The following TOR3A variants were observed in gnomAD, a reference collection of about 807,000 sequenced individuals.
TOR3A encodes the protein torsin family 3 member A, also known as torsin-3A.
Under a neutral mutation model 42.1 loss-of-function variants are expected in TOR3A, and 44 were observed. That is an observed-to-expected ratio of 1.04 (90% CI 0.82 to 1.34). The LOEUF is 1.34. Among genes scored for constraint, TOR3A ranks in the 40% most tolerant of loss-of-function variants. The pLI, the probability that TOR3A is intolerant of heterozygous loss-of-function variation, is 0.00. For synonymous variants in TOR3A, 227 were observed against 213.2 expected (o/e 1.06, Z -0.57); for missense variants, 521 against 507.6 (o/e 1.03, Z -0.25).
chr1:179,084,129 G>T (rs1391601198), intron 2 of TOR3A, among the ~76,000 whole-genome samples: 1 of 152,082 alleles, frequency 6.6e-6, no homozygotes, highest in Middle Eastern at 3.2e-3. Flanking sequence ...TATCCAAATT[G>T]TTCTGGCCAG....
intron 3 of TOR3A, among the ~76,000 whole-genome samples, chr1:179,086,665 CAAAAAAAA>C (rs149541470): frequency 4.0e-5 from 5 of 123,792 alleles, no homozygotes; most frequent in African/African-American, 1.5e-4. Flanking sequence ...GACTCCATCT[CAAAAAAAA>C]AAAAAAAAAA....
At position 179,095,412 on chromosome 1, in the gene TOR3A, T is replaced by TAC; in HGVS notation, c.*194_*195insAC. 17 of 1,427,016 alleles carry TAC rather than the reference T, an allele frequency of 1.2e-5. No individual in the cohort carries two copies. The highest frequency in any genetic ancestry group is 3.2e-5 in the South Asian group (2 of 62,700). The allele number at this position is 1,427,016 out of a possible 1,614,324, so 88.4% of individuals were successfully genotyped here. On this transcript the variant is annotated 3_prime_UTR_variant, in exon 6 of 6. Transcript: ENST00000367627. ...CCAAGCCAATCCTTTTTCTTTTTTTTGGAGGTCCCACCGAGATAGATAGGA... is the reference window on the plus strand; with the variant it reads ...CCAAGCCAATCCTTTTTCTTTTTTTTACGGAGGTCCCACCGAGATAGATAGGA...
chr1:179,089,683 C>G (rs1652525289), intron 4 of TOR3A, among the ~76,000 whole-genome samples: 1 of 152,200 alleles, frequency 6.6e-6, no homozygotes, highest in African/African-American at 2.4e-5. Flanking sequence ...CCTGGGTGCT[C>G]TGTGGTTTCT....
Position 179,082,286 on chromosome 1 carries a change from G to A in TOR3A, c.158G>A (p.Arg53Lys). Residue 53 changes from arginine (R) to lysine (K), a missense_variant, in exon 1 of 6, where the codon AGG becomes AAG. Coordinates refer to ENST00000367627, the MANE Select transcript of TOR3A (RefSeq NM_022371.4). ...TTCCAGCGCCTGCAGGAGCAGCTCAGGGCGGCGGGTGCCCTCTCCAAGCGG... is the reference window on the plus strand; with the variant it reads ...TTCCAGCGCCTGCAGGAGCAGCTCAAGGCGGCGGGTGCCCTCTCCAAGCGG... ...PGFQRLQEQL[R>K]AAGALSKRYW... The A allele has an allele frequency of 7.0e-6, 11 of 1,581,602 alleles. No individual in the cohort carries two copies. Among genetic ancestry groups the A allele is most frequent in the Non-Finnish European group, 9.4e-6 (11 of 1,169,130 alleles).
intron 3 of TOR3A, 30 bp downstream of exon 3, chr1:179,085,923 T>C (rs1207762137): frequency 6.2e-7 from 1 of 1,604,756 alleles, no homozygotes; most frequent in Non-Finnish European, 8.5e-7. Context: ...GGGTGAGGCC[T>C]CTGTGCTGGG....
At chr1:179,093,177 C>A (rs1024882771) in intron 4 of TOR3A, among the ~76,000 whole-genome samples, 2 of 152,122 alleles carry the variant, frequency 1.3e-5, no homozygotes, top group African/African-American at 4.8e-5. Flanking sequence ...GGCCAAGTCT[C>A]CACTACCTCT....
At chr1:179,086,539 A>G (rs901532133) in intron 3 of TOR3A, among the ~76,000 whole-genome samples, 29 of 151,866 alleles carry the variant, frequency 1.9e-4, no homozygotes, top group Non-Finnish European at 3.8e-4. Context: ...GGTGGCGGGC[A>G]CCTGTAGTCT....
chr1:179,083,155 C>A, intron 2 of TOR3A, 102 bp downstream of exon 2: 2 of 642,100 alleles, frequency 3.1e-6, no homozygotes, highest in Non-Finnish European at 2.5e-6. Context: ...TCCTGCCCAG[C>A]CTCCCGACAA....
chr1:179,094,659 AC>A (rs1045949618), intron 5 of TOR3A, among the ~76,000 whole-genome samples: 5 of 152,106 alleles, frequency 3.3e-5, no homozygotes, highest in African/African-American at 1.2e-4. Context: ...CGGGCGGATC[AC>A]TTGAGTCCAG....
chr1:179,082,887 A>G, intron 1 of TOR3A, 53 bp from the exon 2 acceptor site: 1 of 1,227,426 alleles, frequency 8.1e-7, no homozygotes, highest in Non-Finnish European at 1.2e-6. Context: ...TTGCCGCATC[A>G]CTGTAGAGCA....
chr1:179,087,077 G>A (rs1166168813), intron 3 of TOR3A, among the ~76,000 whole-genome samples: 1 of 152,224 alleles, frequency 6.6e-6, no homozygotes, highest in African/African-American at 2.4e-5. Flanking sequence ...AAACTGGCAT[G>A]TGCATAGCCC....
At chr1:179,083,689 G>A (rs1171482793) in intron 2 of TOR3A, among the ~76,000 whole-genome samples, 1 of 151,600 alleles carries the variant, frequency 6.6e-6, no homozygotes, top group Non-Finnish European at 1.5e-5. Context: ...GATTACAGGC[G>A]TGAGCCACTG....
rs1460183258 is a variant in TOR3A, at chr1:179,095,507, C to G, written c.*289C>G. 7.9e-7 allele frequency: 1 copy of G among 1,258,774 alleles called. No homozygotes were observed. Among genetic ancestry groups the G allele is most frequent in the Non-Finnish European group, 1.0e-6 (1 of 998,516 alleles). The allele number at this position is 1,258,774 out of a possible 1,614,324, so 78.0% of individuals were successfully genotyped here. ...CTTGGTGCCTTAAAGACACGCATTC[C>G]AAAGTGGAATGTGGTTGAAGAAAGT... On this transcript the variant is annotated 3_prime_UTR_variant, in exon 6 of 6. Transcript: ENST00000367627.
chr1:179,084,211 T>C (rs1188261008), intron 2 of TOR3A, among the ~76,000 whole-genome samples: 2 of 152,146 alleles, frequency 1.3e-5, no homozygotes, highest in African/African-American at 4.8e-5. Context: ...AAGTGTCCGT[T>C]TCCTCAGCTG....
At chr1:179,089,321 C>CAAA (rs11311033) in intron 4 of TOR3A, among the ~76,000 whole-genome samples, 6 of 130,786 alleles carry the variant, frequency 4.6e-5, no homozygotes, top group African/African-American at 1.1e-4. Context: ...GACTCCATCT[C>CAAA]AAAAAAAAAA....
chr1:179,089,864 CAG>C (rs1006377550), intron 4 of TOR3A, among the ~76,000 whole-genome samples: 8 of 152,288 alleles, frequency 5.3e-5, no homozygotes, highest in South Asian at 2.1e-4. Flanking sequence ...CTCCCCGAGA[CAG>C]GGGTCTCCCG....
chr1:179,084,650 CACT>C (rs1420653091), intron 2 of TOR3A, among the ~76,000 whole-genome samples: 7 of 152,214 alleles, frequency 4.6e-5, no homozygotes, highest in Non-Finnish European at 2.9e-5. Context: ...TCTTCTATGT[CACT>C]ACTACTTTTG....
rs1175588223 is a variant in TOR3A at position 179,095,281 on chromosome 1, G to A, written c.*63G>A. 1.4e-5 allele frequency: 22 copies of A among 1,599,654 alleles called. No individual in the cohort carries two copies. The highest frequency in any genetic ancestry group is 1.6e-5 in the Non-Finnish European group (19 of 1,173,716). The stretch of plus-strand genomic sequence containing the variant: ...ACTAACAGGACCCTGGGACCTGTAG[G>A]AGCACCCCGTTTGGGACTGTGAGGT... On this transcript the variant is annotated 3_prime_UTR_variant, in exon 6 of 6. Transcript: ENST00000367627.
At chr1:179,094,052 A>G in intron 4 of TOR3A, 41 bp from the exon 5 acceptor site, 1 of 1,600,422 alleles carries the variant, frequency 6.2e-7, no homozygotes, top group Non-Finnish European at 8.5e-7. Flanking sequence ...TATGGAAGCT[A>G]AATATAAACA....
Sources: gnomAD v4.1 joint callset for allele counts (sites outside exome capture counted in the v4.1 genomes callset) on GRCh38, gnomAD v4.1.1 for gene constraint, MANE v1.5 for transcripts, NCBI Gene and HGNC (gene_info 2026-07-23, HGNC 2026-07-21) for gene names.